The following SHLD1 variants were observed in gnomAD, a reference collection of about 807,000 sequenced individuals.
SHLD1 encodes the protein shieldin complex subunit 1.
A neutral mutation model predicts 5.5 loss-of-function variants in SHLD1; 3 were observed. That is an observed-to-expected ratio of 0.54 (90% confidence interval 0.25 to 1.40). SHLD1 has a LOEUF of 1.40. Ranked by LOEUF, SHLD1 falls within the 40% of genes most tolerant of loss-of-function variation. SHLD1 has a pLI of 0.15. For missense variants in SHLD1, 210 were observed against 244.4 expected, an observed-to-expected ratio of 0.86 and a Z score of 0.94; for synonymous variants, 92 against 94.3, an observed-to-expected ratio of 0.98 and a Z score of 0.14.
chr20:5,758,524 T>C (rs778767445), intron 1 of SHLD1, among the ~76,000 whole-genome samples: 45 of 152,002 alleles, frequency 3.0e-4, no homozygotes, highest in Middle Eastern at 3.4e-3. Context: ...GTTCAAGTGA[T>C]TCTCCTGCCT....
chr20:5,830,897 G>C (rs2087721717), intron 2 of SHLD1, among the ~76,000 whole-genome samples: 3 of 152,054 alleles, frequency 2.0e-5, no homozygotes, highest in Non-Finnish European at 4.4e-5. Context: ...ACCATGATTT[G>C]TAACTCAGCT....
At chr20:5,805,893 G>A (rs772263285) in intron 2 of SHLD1, among the ~76,000 whole-genome samples, 1 of 152,190 alleles carries the variant, frequency 6.6e-6, no homozygotes, top group Non-Finnish European at 1.5e-5. Context: ...GAGCCACTGC[G>A]CCTGGCCTAA....
At chr20:5,816,464 ACTGT>A (rs2087532006) in intron 2 of SHLD1, among the ~76,000 whole-genome samples, 1 of 152,222 alleles carries the variant, frequency 6.6e-6, no homozygotes, top group African/African-American at 2.4e-5. Flanking sequence ...TGAGAGATTC[ACTGT>A]CTGTGGGTAA....
intron 2 of SHLD1, among the ~76,000 whole-genome samples, chr20:5,779,199 C>CT (rs1985576827): frequency 7.0e-6 from 1 of 142,970 alleles, no homozygotes; most frequent in African/African-American, 2.6e-5. Context: ...GAGACTCTGT[C>CT]TAAAAAAAAA....
At chr20:5,781,417 A>T (rs78345375) in intron 2 of SHLD1, among the ~76,000 whole-genome samples, 13 of 152,206 alleles carry the variant, frequency 8.5e-5, no homozygotes, top group Admixed American at 3.3e-4. Flanking sequence ...AAAAATATAG[A>T]GTGTTCCTGG....
At chr20:5,819,655 C>T (rs1257285820) in intron 2 of SHLD1, among the ~76,000 whole-genome samples, 2 of 152,066 alleles carry the variant, frequency 1.3e-5, no homozygotes, top group Non-Finnish European at 2.9e-5. Context: ...GACCCTGTTT[C>T]TACAAAAAAT....
intron 2 of SHLD1, among the ~76,000 whole-genome samples, chr20:5,801,853 T>C (rs972228212): frequency 6.6e-6 from 1 of 152,182 alleles, no homozygotes; most frequent in Non-Finnish European, 1.5e-5. Flanking sequence ...TTTGGAAATG[T>C]CTTAACATTT....
chr20:5,790,551 C>T (rs1477023341), intron 2 of SHLD1, among the ~76,000 whole-genome samples: 1 of 148,144 alleles, frequency 6.8e-6, no homozygotes, highest in East Asian at 2.0e-4. Context: ...CCCCTGGGTT[C>T]AAGCTATTCT....
intron 2 of SHLD1, among the ~76,000 whole-genome samples, chr20:5,814,510 A>T (rs1291131212): frequency 6.6e-6 from 1 of 152,138 alleles, no homozygotes; most frequent in East Asian, 1.9e-4. Flanking sequence ...TATAGAATTG[A>T]ATTAATTCTT....
At chr20:5,844,389 G>A (rs2087901720) in intron 2 of SHLD1, among the ~76,000 whole-genome samples, 4 of 152,162 alleles carry the variant, frequency 2.6e-5, no homozygotes, top group Non-Finnish European at 5.9e-5. Flanking sequence ...CCACCATCAG[G>A]CTCTCTGGAG....
At chr20:5,862,875 C>G in intron 2 of SHLD1, 149 bp from the exon 3 acceptor site, 2 of 701,198 alleles carry the variant, frequency 2.9e-6, no homozygotes, top group Non-Finnish European at 4.6e-6. Context: ...ATGGTGAGAA[C>G]AGATTTTGAA....
At chr20:5,782,478 A>T (rs1600116332) in intron 2 of SHLD1, among the ~76,000 whole-genome samples, 1 of 152,238 alleles carries the variant, frequency 6.6e-6, no homozygotes, top group Admixed American at 6.5e-5. Flanking sequence ...TTAACAATAC[A>T]GATGTAGGAA....
chr20:5,859,088 A>G (rs1314230426), intron 2 of SHLD1, among the ~76,000 whole-genome samples: 1 of 152,156 alleles, frequency 6.6e-6, no homozygotes, highest in Non-Finnish European at 1.5e-5. Flanking sequence ...GGGGTAAAAA[A>G]GCCATCTCAT....
chr20:5,797,578 G>T (rs1272950814), intron 2 of SHLD1, among the ~76,000 whole-genome samples: 1 of 131,068 alleles, frequency 7.6e-6, no homozygotes, highest in African/African-American at 2.8e-5. Flanking sequence ...AGAAGAAGAA[G>T]AATATGTGTG....
intron 2 of SHLD1, among the ~76,000 whole-genome samples, chr20:5,830,199 C>T (rs768300231): frequency 1.7e-4 from 26 of 152,284 alleles, no homozygotes; most frequent in Non-Finnish European, 2.1e-4. Flanking sequence ...ACACTCATAA[C>T]GGCCCTAACT....
intron 2 of SHLD1, among the ~76,000 whole-genome samples, chr20:5,813,122 C>T (rs368551194): frequency 1.3e-5 from 2 of 152,070 alleles, no homozygotes; most frequent in South Asian, 2.1e-4. Context: ...GTGATCCACT[C>T]GCCTCGACCT....
Position 5,855,863 on chromosome 20 carries a change from A to G in SHLD1, c.179-7161A>G, listed in dbSNP as rs946646174. On this transcript the variant is annotated intron_variant, in intron 2 of 2. Transcript: ENST00000303142. This position sits in a 1 kb window ranked among gnomAD's most constrained non-coding sequence, Gnocchi z 4.4. ...CTTTCATCCTCATCCTTTTGAAATC[A>G]GGCTTGGCCATATGACTTCACGTTA... Among the ~76,000 whole-genome samples the G allele has an allele frequency of 7.9e-5, 12 of 152,232 alleles. No individual in the cohort carries two copies. The highest frequency in any genetic ancestry group is 1.6e-4 in the Non-Finnish European group (11 of 68,048).
chr20:5,800,143 A>C lies in SHLD1; in HGVS notation c.178+27100A>C, dbSNP rs562589730. On this transcript the variant is annotated intron_variant, in intron 2 of 2. Coordinates refer to ENST00000303142, the MANE Select transcript of SHLD1 (RefSeq NM_152504.4). ...CCAGAGATGAAGCTAAGCATGATAC[A>C]ATGCACAGTGCAGCCCTCTCCCACA... Among the ~76,000 whole-genome samples, 4 of 152,316 alleles carry C rather than the reference A, an allele frequency of 2.6e-5. No individual in the cohort carries two copies. In the South Asian group the frequency reaches 6.2e-4, roughly 24 times the overall value.
intron 2 of SHLD1, among the ~76,000 whole-genome samples, chr20:5,810,006 C>G (rs931216240): frequency 6.6e-6 from 1 of 152,036 alleles, no homozygotes; most frequent in Non-Finnish European, 1.5e-5. Flanking sequence ...CACCTGTAAT[C>G]CCAGCACTTT....
Sources: allele counts gnomAD v4.1 joint callset (sites outside exome capture counted in the v4.1 genomes callset), GRCh38; gene constraint gnomAD v4.1.1; non-coding constraint Gnocchi (gnomAD v3.1); transcripts MANE v1.5; gene names NCBI Gene and HGNC (gene_info 2026-07-23, HGNC 2026-07-21).